VTA1: variants seen among roughly 807,000 people sequenced by gnomAD.
VTA1 encodes the protein vacuolar protein sorting-associated protein VTA1 homolog.
VTA1 carries 24 observed loss-of-function variants against 36.9 expected under a neutral mutation model. The observed-to-expected ratio is 0.65, with a 90% CI of 0.47 to 0.91. VTA1 has a LOEUF of 0.91. Ranked by LOEUF, VTA1 falls within the 40% of genes least tolerant of loss-of-function variation. VTA1 has a pLI of 0.00. For missense variants in VTA1, 393 were observed against 377.2 expected, an observed-to-expected ratio of 1.04 and a Z score of -0.35; for synonymous variants, 142 against 130.2, an observed-to-expected ratio of 1.09 and a Z score of -0.62.
chr6:142,212,979 C>T (rs1346562571), intron 7 of VTA1, among the ~76,000 whole-genome samples: 2 of 152,190 alleles, frequency 1.3e-5, no homozygotes, highest in Non-Finnish European at 2.9e-5. Context: ...ATGTCCTTCT[C>T]ATATTCCAAA....
At chr6:142,204,211 C>CTTA in intron 7 of VTA1, 146 bp downstream of exon 7, 1 of 686,774 alleles carries the variant, frequency 1.5e-6, no homozygotes, top group South Asian at 1.8e-5. Context: ...TCCTTGAATG[C>CTTA]TTATGTTCAC....
chr6:142,174,547 A>G (rs919943809), intron 4 of VTA1, among the ~76,000 whole-genome samples: 4 of 152,220 alleles, frequency 2.6e-5, no homozygotes, highest in Admixed American at 2.6e-4. Context: ...TGCTGCAATG[A>G]GTTAAATCTT....
intron 4 of VTA1, among the ~76,000 whole-genome samples, chr6:142,178,174 G>T (rs1775160051): frequency 1.3e-5 from 2 of 152,068 alleles, no homozygotes; most frequent in Admixed American, 1.3e-4. Context: ...AGAAAATCTT[G>T]AAAAAGCAGC....
chr6:142,177,635 A>T (rs1042704647), intron 4 of VTA1, among the ~76,000 whole-genome samples: 2 of 152,078 alleles, frequency 1.3e-5, no homozygotes, highest in Admixed American at 1.3e-4. Flanking sequence ...TTAAAAAAAA[A>T]TATGCTAAAT....
chr6:142,171,616 C>T (rs1562259527), intron 4 of VTA1, among the ~76,000 whole-genome samples: 1 of 152,128 alleles, frequency 6.6e-6, no homozygotes, highest in Non-Finnish European at 1.5e-5. Flanking sequence ...AAATTTACTA[C>T]TTTAAGTTCA....
chr6:142,164,836 T>C (rs1774883653), intron 1 of VTA1, among the ~76,000 whole-genome samples: 1 of 152,226 alleles, frequency 6.6e-6, no homozygotes, highest in Admixed American at 6.5e-5. Flanking sequence ...TGTGTTTGTC[T>C]ATTCAGAAAA....
rs1028704470 is a variant in VTA1, at chr6:142,223,567, A to G, written c.*4924A>G. 2 of 152,272 alleles carry G rather than the reference A, an allele frequency of 1.3e-5. No individual in the cohort carries two copies. The highest frequency in any genetic ancestry group is 1.5e-5 in the Non-Finnish European group (1 of 68,022). The allele number at this position is 152,272 out of a possible 1,614,324, so 9.4% of individuals were successfully genotyped here. On this transcript the variant is annotated 3_prime_UTR_variant, in exon 8 of 8. Coordinates refer to ENST00000367630, the MANE Select transcript of VTA1 (RefSeq NM_016485.5). ...CCCCTGTCTCTTACTTCATATATCA[A>G]GTTTGGAGGGAAAGACATAATTGCA... is the stretch of plus-strand genomic sequence containing the variant.
In VTA1 at chr6:142,192,591, C is replaced by G. The variant is rs1360775503; in HGVS notation, c.520+3057C>G. Among the ~76,000 whole-genome samples the G allele has an allele frequency of 2.6e-5, 4 of 152,070 alleles. No homozygotes were observed. In the East Asian group the frequency reaches 7.7e-4, roughly 29 times the overall value. On this transcript the variant is annotated intron_variant, in intron 5 of 7. Transcript: ENST00000367630. ...TGCCTTTGATCCAGAATTAAACATT[C>G]TCTCATTGATTCATAGTCTGTCCCT...
chr6:142,208,609 A>G (rs769586378), intron 7 of VTA1, among the ~76,000 whole-genome samples: 4 of 152,190 alleles, frequency 2.6e-5, no homozygotes, highest in Admixed American at 6.5e-5. Context: ...TCAACCCCCA[A>G]ATAAGACTAC....
intron 7 of VTA1, among the ~76,000 whole-genome samples, chr6:142,205,445 C>T (rs1166144486): frequency 1.3e-5 from 2 of 152,150 alleles, no homozygotes; most frequent in African/African-American, 2.4e-5. Context: ...AACTGTCAGG[C>T]AGGTGTTAGG....
chr6:142,209,120 A>C (rs1266426338), intron 7 of VTA1, among the ~76,000 whole-genome samples: 1 of 152,100 alleles, frequency 6.6e-6, no homozygotes, highest in Non-Finnish European at 1.5e-5. Context: ...ATAAAAACCT[A>C]AAGACATCTT....
chr6:142,147,425 C>G (rs1384618914), intron 1 of VTA1, 26 bp downstream of exon 1: 6 of 1,604,650 alleles, frequency 3.7e-6, no homozygotes, highest in African/African-American at 1.3e-5. Context: ...TGGCCGCGCC[C>G]TTTCTTTCCC....
chr6:142,161,386 A>T (rs905345457), intron 1 of VTA1, among the ~76,000 whole-genome samples: 58 of 152,066 alleles, frequency 3.8e-4, no homozygotes, highest in African/African-American at 1.3e-3. Flanking sequence ...TGTTTTTATC[A>T]TGCGTATTTC....
At chr6:142,182,951 A>C (rs529290334) in intron 4 of VTA1, among the ~76,000 whole-genome samples, 6 of 152,282 alleles carry the variant, frequency 3.9e-5, no homozygotes, top group African/African-American at 1.4e-4. Flanking sequence ...ACACTGGGAC[A>C]TGAAAAAGGA....
intron 7 of VTA1, among the ~76,000 whole-genome samples, chr6:142,214,924 C>T (rs1180917012): frequency 5.9e-5 from 9 of 152,094 alleles, no homozygotes; most frequent in African/African-American, 2.2e-4. Context: ...AGTACTTATA[C>T]CCCTTTTCTG....
intron 1 of VTA1, among the ~76,000 whole-genome samples, chr6:142,154,992 T>G (rs1432141605): frequency 6.6e-6 from 1 of 151,880 alleles, no homozygotes; most frequent in Non-Finnish European, 1.5e-5. Context: ...CAGCAGAACT[T>G]TGTGCTTTTT....
chr6:142,220,449 A>G lies in VTA1; in HGVS notation c.*1806A>G, dbSNP rs979376400. ...ACGGAGTCCGCTGGTAGTGGGCTGC[A>G]TGGTGTGACAGAGCCCTTCTCTGTA... On this transcript the variant is annotated 3_prime_UTR_variant, in exon 8 of 8. Coordinates refer to ENST00000367630, the MANE Select transcript of VTA1 (RefSeq NM_016485.5). 6.6e-6 allele frequency: 1 copy of G among 152,316 alleles called. No homozygotes were observed. Among genetic ancestry groups the G allele is most frequent in the South Asian group, 2.1e-4 (1 of 4,820 alleles). 9.4% of individuals were successfully genotyped at this position (152,316 alleles called of 1,614,324 possible). A position where few individuals can be genotyped will look rare whatever the true frequency, so the allele number is the denominator to read the frequency against.
chr6:142,180,202 A>C (rs187317122), intron 4 of VTA1, among the ~76,000 whole-genome samples: 312 of 152,308 alleles, frequency 2.0e-3, no homozygotes, highest in Non-Finnish European at 3.3e-3. Context: ...AAAGTGCTTA[A>C]TCTAGGGCTA....
rs1776061104 is a variant in VTA1 at position 142,219,340 on chromosome 6, C to T, written c.*697C>T. On this transcript the variant is annotated 3_prime_UTR_variant, in exon 8 of 8. Transcript: ENST00000367630. Reference sequence around the variant, plus strand: ...GATGAATTGGTATTTGCTTCATAGGCAGTTTGACTGCATGTATTAGAGAAT... The same window carrying T: ...GATGAATTGGTATTTGCTTCATAGGTAGTTTGACTGCATGTATTAGAGAAT... 6.6e-6 allele frequency: 1 copy of T among 152,160 alleles called. No individual in the cohort carries two copies. The highest frequency in any genetic ancestry group is 1.5e-5 in the Non-Finnish European group (1 of 68,034). 9.4% of individuals were successfully genotyped at this position (152,160 alleles called of 1,614,324 possible). A position where few individuals can be genotyped will look rare whatever the true frequency, so the allele number is the denominator to read the frequency against.
Sources: allele counts gnomAD v4.1 joint callset (sites outside exome capture counted in the v4.1 genomes callset), GRCh38; gene constraint gnomAD v4.1.1; transcripts MANE v1.5; gene names NCBI Gene and HGNC (gene_info 2026-07-23, HGNC 2026-07-21).